BBOX1: variants seen among roughly 807,000 people sequenced by gnomAD.
The protein encoded by BBOX1 is gamma-butyrobetaine dioxygenase.
Under a neutral mutation model 41.6 loss-of-function variants are expected in BBOX1, and 35 were observed. That is an observed-to-expected ratio of 0.84 (90% CI 0.64 to 1.11). BBOX1 has a LOEUF of 1.11. Among genes scored for constraint, BBOX1 ranks in the 50% most tolerant of loss-of-function variants. The pLI is 0.00. For missense variants in BBOX1, 458 were observed against 460.6 expected (o/e 0.99, Z 0.05); for synonymous variants, 163 against 154.7 (o/e 1.05, Z -0.40).
At chr11:27,083,278 G>A (rs548564541) in intron 4 of BBOX1, among the ~76,000 whole-genome samples, 9 of 152,050 alleles carry the variant, frequency 5.9e-5, no homozygotes, top group African/African-American at 2.2e-4. Flanking sequence ...ACACAAGTTG[G>A]GGAGGAAGGA....
chr11:27,101,087 G>T (rs1006285000), intron 5 of BBOX1, among the ~76,000 whole-genome samples: 1 of 151,990 alleles, frequency 6.6e-6, no homozygotes, highest in Non-Finnish European at 1.5e-5. Flanking sequence ...ACAAACCCAG[G>T]TTTGCTTGAC....
chr11:27,117,353 C>T (rs1257927730), intron 6 of BBOX1, among the ~76,000 whole-genome samples: 1 of 151,918 alleles, frequency 6.6e-6, no homozygotes, highest in Non-Finnish European at 1.5e-5. Flanking sequence ...TAGTATTTAA[C>T]TTTACATGTT....
intron 4 of BBOX1, among the ~76,000 whole-genome samples, chr11:27,065,458 G>A (rs1380664245): frequency 1.3e-5 from 2 of 152,036 alleles, no homozygotes; most frequent in African/African-American, 2.4e-5. Context: ...AGAGTCTAAC[G>A]TACCTATGCA....
At chr11:27,042,402 G>T (rs1417243601) in intron 2 of BBOX1, among the ~76,000 whole-genome samples, 1 of 152,128 alleles carries the variant, frequency 6.6e-6, no homozygotes, top group Non-Finnish European at 1.5e-5. Flanking sequence ...ATCCAGGCTG[G>T]AATGCAGTGA....
chr11:27,055,224 G>A lies in BBOX1; in HGVS notation c.-38-169G>A, dbSNP rs1213243547. The A allele has an allele frequency of 9.9e-6, 5 of 506,310 alleles. No individual in the cohort carries two copies. In the East Asian group the frequency reaches 1.5e-4, roughly 15 times the overall value. The allele number at this position is 506,310 out of a possible 1,614,324, so 31.4% of individuals were successfully genotyped here. ...GTCACTGTGTTTCTGCTTACAGTAT[G>A]TGAAATACTCTCACCAGAACAAAGG... On this transcript the variant is annotated intron_variant, in intron 2 of 8. Transcript: ENST00000263182.
chr11:27,113,195 C>T (rs1161186600), intron 5 of BBOX1, among the ~76,000 whole-genome samples: 2 of 151,964 alleles, frequency 1.3e-5, no homozygotes, highest in Non-Finnish European at 2.9e-5. Context: ...CACTTATACA[C>T]TGCTGGTGGG....
chr11:27,100,722 T>A (rs1858616967), intron 5 of BBOX1, among the ~76,000 whole-genome samples: 1 of 152,048 alleles, frequency 6.6e-6, no homozygotes, highest in Non-Finnish European at 1.5e-5. Flanking sequence ...ACCACTTGAG[T>A]ATGAAGTCAT....
chr11:27,110,105 A>G (rs973125978), intron 5 of BBOX1, among the ~76,000 whole-genome samples: 75 of 151,928 alleles, frequency 4.9e-4, no homozygotes, highest in African/African-American at 1.8e-3. Context: ...CATCCAATTT[A>G]TCAGAGAATC....
chr11:27,102,129 T>G (rs1858684532), intron 5 of BBOX1, among the ~76,000 whole-genome samples: 1 of 151,996 alleles, frequency 6.6e-6, no homozygotes, highest in African/African-American at 2.4e-5. Context: ...TCAATTAAAT[T>G]GTAGGGGAGG....
chr11:27,055,303 G>A (rs1370505001), intron 2 of BBOX1, 90 bp from the exon 3 acceptor site: 2 of 813,730 alleles, frequency 2.5e-6, no homozygotes, highest in Non-Finnish European at 3.9e-6. Flanking sequence ...GAATAGCAGA[G>A]GCCAGAGTCC....
At chr11:27,079,658 T>C (rs528808042) in intron 4 of BBOX1, among the ~76,000 whole-genome samples, 2 of 152,214 alleles carry the variant, frequency 1.3e-5, no homozygotes, top group East Asian at 3.9e-4. Flanking sequence ...TCAAGATATA[T>C]GATGGGCAAT....
intron 7 of BBOX1, among the ~76,000 whole-genome samples, chr11:27,123,606 G>T (rs1859543999): frequency 6.6e-6 from 1 of 152,130 alleles, no homozygotes; most frequent in African/African-American, 2.4e-5. Context: ...GAATCTTGCA[G>T]TTAATATCAA....
chr11:27,102,095 C>G (rs1858682871), intron 5 of BBOX1, among the ~76,000 whole-genome samples: 1 of 151,934 alleles, frequency 6.6e-6, no homozygotes, highest in Non-Finnish European at 1.5e-5. Context: ...AAGCTTGGTG[C>G]TGAGCAGTAA....
intron 4 of BBOX1, among the ~76,000 whole-genome samples, chr11:27,066,093 G>A (rs1305743794): frequency 1.3e-5 from 2 of 152,118 alleles, no homozygotes; most frequent in Non-Finnish European, 2.9e-5. Context: ...ATTTTTTGTA[G>A]TTATATTAAA....
At position 27,084,837 on chromosome 11, in the gene BBOX1, C is replaced by A. The variant is rs560840196; in HGVS notation, c.335-8331C>A. Among the ~76,000 whole-genome samples, 5 of 152,056 alleles carry A rather than the reference C, an allele frequency of 3.3e-5. No homozygotes were observed. The East Asian group carries it at 7.7e-4, about 24-fold the overall frequency. On this transcript the variant is annotated intron_variant, in intron 4 of 8. Transcript: ENST00000263182. ...CTTGTGCAAATGGTTCCTTGAAAACCAGCATGTAGCCTGTTCATAAATTTT... is the reference window on the plus strand; with the variant it reads ...CTTGTGCAAATGGTTCCTTGAAAACAAGCATGTAGCCTGTTCATAAATTTT...
intron 4 of BBOX1, among the ~76,000 whole-genome samples, chr11:27,090,110 T>G (rs1858189159): frequency 6.6e-6 from 1 of 151,928 alleles, no homozygotes; most frequent in Admixed American, 6.6e-5. Context: ...AGTTTAAGTA[T>G]GAGGGACTGC....
At chr11:27,048,153 G>A (rs534710218) in intron 2 of BBOX1, among the ~76,000 whole-genome samples, 12 of 152,058 alleles carry the variant, frequency 7.9e-5, no homozygotes, top group East Asian at 3.9e-4. Context: ...AGCAAATTTC[G>A]AATACACAAG....
rs568139174 is a variant in BBOX1 at position 27,093,111 on chromosome 11, C to T, written c.335-57C>T. ...GAACTAGCCCCTTCTCTGAGGTTAT[C>T]GTCTTATGTAAAAAGAATGTAATCC... On this transcript the variant is annotated intron_variant, in intron 4 of 8. Coordinates refer to ENST00000263182, the MANE Select transcript of BBOX1 (RefSeq NM_003986.3). 3.8e-5 allele frequency: 57 copies of T among 1,506,678 alleles called. No homozygotes were observed. The Admixed American group carries it at 5.2e-4, about 14-fold the overall frequency. The allele number at this position is 1,506,678 out of a possible 1,614,324, so 93.3% of individuals were successfully genotyped here.
At chr11:27,125,604 A>G in intron 7 of BBOX1, 50 bp from the exon 8 acceptor site, 1 of 1,362,154 alleles carries the variant, frequency 7.3e-7, no homozygotes. Context: ...TTATCAATGT[A>G]AATAGATATT....
Sources: gnomAD v4.1 joint callset for allele counts (sites outside exome capture counted in the v4.1 genomes callset) on GRCh38, gnomAD v4.1.1 for gene constraint, MANE v1.5 for transcripts, NCBI Gene and HGNC (gene_info 2026-07-23, HGNC 2026-07-21) for gene names.